C6orf52: variants seen among roughly 807,000 people sequenced by gnomAD.
C6orf52 encodes the protein putative uncharacterized protein C6orf52.
A neutral mutation model predicts 16.6 loss-of-function variants in C6orf52; 16 were observed. The observed-to-expected ratio is 0.96, with a 90% CI of 0.65 to 1.46. C6orf52 has a LOEUF of 1.46. Among genes scored for constraint, C6orf52 ranks in the 40% most tolerant of loss-of-function variants. C6orf52 has a pLI of 0.00. For missense variants in C6orf52, 166 were observed against 182.3 expected (o/e 0.91, Z 0.52); for synonymous variants, 53 against 61.4 (o/e 0.86, Z 0.64).
intron 4 of C6orf52, among the ~76,000 whole-genome samples, chr6:10,675,746 T>A (rs1211541190): frequency 6.6e-6 from 1 of 152,242 alleles, no homozygotes; most frequent in East Asian, 1.9e-4. Context: ...ATCTCACTAC[T>A]GTGGTTTTAA....
intron 1 of C6orf52, among the ~76,000 whole-genome samples, chr6:10,689,720 C>T (rs1769131805): frequency 6.6e-6 from 1 of 152,160 alleles, no homozygotes; most frequent in Non-Finnish European, 1.5e-5. Flanking sequence ...AATAACTCTG[C>T]AGCTATCTTG....
chr6:10,679,579 A>AC (rs1768192466), intron 4 of C6orf52, among the ~76,000 whole-genome samples: 1 of 127,788 alleles, frequency 7.8e-6, no homozygotes, highest in Non-Finnish European at 1.5e-5. Flanking sequence ...AAAAAAAAAA[A>AC]ACAAAAAACA....
At position 10,691,438 on chromosome 6, in the gene C6orf52, G is replaced by A. The variant is rs749069885; in HGVS notation, c.-12+3056C>T. Among the ~76,000 whole-genome samples, 57 of 152,122 alleles carry A rather than the reference G, an allele frequency of 3.7e-4. 1 individual carries two copies. The highest frequency in any genetic ancestry group is 6.3e-4 in the Non-Finnish European group (43 of 68,036). ...GGGGGGCTGCATGCACCGGTAATTAGAACGGAACAGAACAGGACAGGGATT... is the reference window on the plus strand; with the variant it reads ...GGGGGGCTGCATGCACCGGTAATTAAAACGGAACAGAACAGGACAGGGATT... On this transcript the variant is annotated intron_variant, in intron 1 of 4. Coordinates refer to ENST00000259983, the MANE Select transcript of C6orf52 (RefSeq NM_001145020.3).
intron 3 of C6orf52, chr6:10,684,793 T>G (rs1768717483): frequency 9.2e-7 from 1 of 1,084,596 alleles, no homozygotes; most frequent in Non-Finnish European, 1.2e-6. Context: ...CACACGTTAT[T>G]GGAGAAGACC....
In C6orf52 at chr6:10,686,932, C is replaced by T. The variant is rs373576175; in HGVS notation, c.270+34G>A. 25 of 1,427,204 alleles carry T rather than the reference C, an allele frequency of 1.8e-5. No homozygotes were observed. The Admixed American group carries it at 2.3e-4, about 13-fold the overall frequency. 88.4% of individuals were successfully genotyped at this position (1,427,204 alleles called of 1,614,324 possible). ...GTGATGTTTACTATTATTGGGCACA[C>T]GAATGACACAAGATTCATTCTAGCA... On this transcript the variant is annotated intron_variant, in intron 3 of 4. Coordinates refer to ENST00000259983, the MANE Select transcript of C6orf52 (RefSeq NM_001145020.3).
chr6:10,677,456 CTT>C (rs572571864), intron 4 of C6orf52, among the ~76,000 whole-genome samples: 6 of 134,336 alleles, frequency 4.5e-5, no homozygotes, highest in Admixed American at 1.5e-4. Context: ...TGCCTTCACC[CTT>C]TTTTTTTTTT....
chr6:10,671,832 AG>A (rs1767448569), intron 4 of C6orf52, among the ~76,000 whole-genome samples: 1 of 152,184 alleles, frequency 6.6e-6, no homozygotes, highest in Non-Finnish European at 1.5e-5. Flanking sequence ...GAAGAGATGG[AG>A]GAAAAAAATG....
intron 3 of C6orf52, among the ~76,000 whole-genome samples, chr6:10,686,723 G>A (rs967838224): frequency 1.2e-4 from 19 of 152,126 alleles, no homozygotes; most frequent in Admixed American, 9.2e-4. Context: ...GTTTATACAC[G>A]TCCAAACTCA....
In C6orf52 at chr6:10,683,236, C is replaced by T; in HGVS notation, c.271-4G>A. The T allele has an allele frequency of 1.3e-6, 2 of 1,533,510 alleles. No homozygotes were observed. The highest frequency in any genetic ancestry group is 1.8e-6 in the Non-Finnish European group (2 of 1,132,480). The allele number at this position is 1,533,510 out of a possible 1,614,324, so 95.0% of individuals were successfully genotyped here. A position where few individuals can be genotyped will look rare whatever the true frequency, so the allele number is the denominator to read the frequency against. ...TTTCAGCTAGAGGTGTGGTTTCCTG[C>T]AACAAAATATTATCTCATGAGAAAA... On this transcript the variant is annotated splice_polypyrimidine_tract_variant and splice_region_variant and intron_variant, in intron 3 of 4. Transcript: ENST00000259983.
rs576262617 is a variant in C6orf52, at chr6:10,674,659, A to T, written c.317-3061T>A. 7.3e-3 allele frequency: 948 copies of T among 129,080 alleles called. 12 individuals are homozygous for T. The highest frequency in any genetic ancestry group is 0.037 in the African/African-American group (894 of 23,844). The allele number at this position is 129,080 out of a possible 1,614,324, so 8.0% of individuals were successfully genotyped here. A position where few individuals can be genotyped will look rare whatever the true frequency, so the allele number is the denominator to read the frequency against. ...TCTTTCTTTTTTTTTTTTTTTTTTA[A>T]AAGACTAGTCAAATGCAGCAGTAAG... On this transcript the variant is annotated intron_variant, in intron 4 of 4. Transcript: ENST00000259983.
intron 3 of C6orf52, among the ~76,000 whole-genome samples, chr6:10,686,660 T>C (rs994550042): frequency 3.9e-5 from 6 of 152,200 alleles, no homozygotes; most frequent in African/African-American, 1.4e-4. Flanking sequence ...TCATTAGCTT[T>C]TTGTGTTGTT....
At chr6:10,691,550 G>C (rs1769309826) in intron 1 of C6orf52, among the ~76,000 whole-genome samples, 1 of 152,080 alleles carries the variant, frequency 6.6e-6, no homozygotes, top group South Asian at 2.1e-4. Flanking sequence ...GGCCCAGAGT[G>C]TGGTGCCGAG....
At chr6:10,674,130 A>C (rs527969494) in intron 4 of C6orf52, among the ~76,000 whole-genome samples, 2 of 152,278 alleles carry the variant, frequency 1.3e-5, no homozygotes, top group East Asian at 3.9e-4. Context: ...TCATGTCTTC[A>C]CATGGCAGAG....
chr6:10,691,317 C>T (rs375856520), intron 1 of C6orf52, among the ~76,000 whole-genome samples: 7 of 152,146 alleles, frequency 4.6e-5, no homozygotes, highest in South Asian at 4.1e-4. Flanking sequence ...CCAAGCTCCC[C>T]AAGTGAGTAA....
At chr6:10,677,790 T>A (rs925199705) in intron 4 of C6orf52, among the ~76,000 whole-genome samples, 2 of 151,770 alleles carry the variant, frequency 1.3e-5, no homozygotes, top group African/African-American at 4.8e-5. Context: ...CACCTGAGCC[T>A]CCCAAAGTGC....
chr6:10,684,961 G>C (rs187931902), intron 3 of C6orf52: 1 of 1,158,622 alleles, frequency 8.6e-7, no homozygotes, highest in Non-Finnish European at 1.1e-6. Flanking sequence ...TATAATTCTT[G>C]TATGAAAAAT....
intron 4 of C6orf52, among the ~76,000 whole-genome samples, chr6:10,676,510 A>G (rs1305283870): frequency 6.6e-6 from 1 of 152,222 alleles, no homozygotes; most frequent in African/African-American, 2.4e-5. Flanking sequence ...CTACCTAAGG[A>G]ATAGGCATGT....
intron 1 of C6orf52, 56 bp downstream of exon 1, chr6:10,694,438 C>A (rs1769674812): frequency 6.5e-6 from 1 of 154,460 alleles, no homozygotes. Context: ...CAAGGCAGCG[C>A]GAGCGCTGCG....
chr6:10,688,745 C>T (rs1447084922), intron 1 of C6orf52, among the ~76,000 whole-genome samples: 1 of 152,192 alleles, frequency 6.6e-6, no homozygotes, highest in Non-Finnish European at 1.5e-5. Context: ...GTGGGTTCAC[C>T]AGTAGTATCC....
Sources: allele counts gnomAD v4.1 joint callset (sites outside exome capture counted in the v4.1 genomes callset), GRCh38; gene constraint gnomAD v4.1.1; transcripts MANE v1.5; gene names NCBI Gene and HGNC (gene_info 2026-07-23, HGNC 2026-07-21).